MGMT: variants seen among roughly 807,000 people sequenced by gnomAD.
MGMT encodes O-6-methylguanine-DNA methyltransferase.
A neutral mutation model predicts 15.9 loss-of-function variants in MGMT; 14 were observed. The observed-to-expected ratio is 0.88, with a 90% CI of 0.58 to 1.37. MGMT has a LOEUF of 1.37. Ranked by LOEUF, MGMT falls within the 40% of genes most tolerant of loss-of-function variation. MGMT has a pLI of 0.00. For synonymous variants in MGMT, 130 were observed against 118.2 expected (o/e 1.10, Z -0.65); for missense variants, 282 against 268.1 (o/e 1.05, Z -0.36).
chr10:129,719,310 C>T (rs1848340326), intron 3 of MGMT, among the ~76,000 whole-genome samples: 1 of 152,252 alleles, frequency 6.6e-6, no homozygotes, highest in African/African-American at 2.4e-5. Flanking sequence ...GTGGGCCCTA[C>T]TCTTGTGTCA....
At chr10:129,728,200 AAAG>A (rs979899016) in intron 3 of MGMT, among the ~76,000 whole-genome samples, 20 of 152,180 alleles carry the variant, frequency 1.3e-4, no homozygotes, top group Admixed American at 2.6e-4. Context: ...ATGGCAGGGA[AAAG>A]AAGAAGAAGG....
intron 2 of MGMT, among the ~76,000 whole-genome samples, chr10:129,642,708 G>C (rs78430313): frequency 6.6e-6 from 1 of 152,108 alleles, no homozygotes. Context: ...ATGCTTCCAC[G>C]TTTTCTAAGC....
chr10:129,636,584 A>G (rs1308043535), intron 2 of MGMT, among the ~76,000 whole-genome samples: 1 of 152,198 alleles, frequency 6.6e-6, no homozygotes, highest in Admixed American at 6.5e-5. Context: ...AGTCGTGATA[A>G]TGGGCATTCT....
At chr10:129,569,216 A>G (rs149011657) in intron 2 of MGMT, among the ~76,000 whole-genome samples, 1 of 152,194 alleles carries the variant, frequency 6.6e-6, no homozygotes, top group East Asian at 1.9e-4. Flanking sequence ...AGATGTGACG[A>G]TAGACATAAA....
At chr10:129,749,080 C>T (rs1184877709) in intron 3 of MGMT, among the ~76,000 whole-genome samples, 2 of 152,186 alleles carry the variant, frequency 1.3e-5, no homozygotes, top group African/African-American at 4.8e-5. Context: ...CAGTCAGATT[C>T]TCTTGTCACA....
chr10:129,766,918 G>A lies in MGMT; in HGVS notation c.545G>A (p.Gly182Glu), dbSNP rs1848944428. ...CACCGGTTGGGGAAGCCAGGCTTGG[G>A]AGGGAGCTCAGGTCTGGCAGGGGCC... ...EGHRLGKPGL[G>E]GSSGLAGAWL... is the part of the protein sequence containing the mutation. The change falls in exon 5 of 5, where the codon GGA becomes GAA. Residue 182 changes from glycine to glutamate, a missense_variant. Transcript: ENST00000651593. 2.5e-6 allele frequency: 4 copies of A among 1,613,502 alleles called. No individual in the cohort carries two copies. The highest frequency in any genetic ancestry group is 1.7e-5 in the Admixed American group (1 of 60,030).
At chr10:129,750,935 A>G (rs1473571315) in intron 3 of MGMT, among the ~76,000 whole-genome samples, 1 of 151,946 alleles carries the variant, frequency 6.6e-6, no homozygotes, top group African/African-American at 2.4e-5. Flanking sequence ...TGTTCTTTTT[A>G]TATATTGCTG....
chr10:129,601,471 G>T (rs1362024994), intron 2 of MGMT, among the ~76,000 whole-genome samples: 1 of 152,206 alleles, frequency 6.6e-6, no homozygotes, highest in Non-Finnish European at 1.5e-5. Flanking sequence ...GCTCTTGGAA[G>T]GAGGGTGTCC....
intron 2 of MGMT, among the ~76,000 whole-genome samples, chr10:129,642,282 T>C (rs1002168229): frequency 6.6e-6 from 1 of 152,156 alleles, no homozygotes; most frequent in Non-Finnish European, 1.5e-5. Context: ...AATGTAAAAA[T>C]GGACAGTCCC....
At chr10:129,591,558 C>A (rs1036691233) in intron 2 of MGMT, among the ~76,000 whole-genome samples, 1 of 152,202 alleles carries the variant, frequency 6.6e-6, no homozygotes, top group African/African-American at 2.4e-5. Flanking sequence ...TAGATCCAGG[C>A]CAGGCCCCAG....
chr10:129,619,741 G>A (rs1048811808), intron 2 of MGMT, among the ~76,000 whole-genome samples: 1 of 152,092 alleles, frequency 6.6e-6, no homozygotes, highest in Non-Finnish European at 1.5e-5. Context: ...TGAGTTTATT[G>A]GCATTAATTG....
At chr10:129,753,605 G>T (rs1181578690) in intron 3 of MGMT, among the ~76,000 whole-genome samples, 2 of 152,006 alleles carry the variant, frequency 1.3e-5, no homozygotes, top group African/African-American at 2.4e-5. Context: ...ATCCTATGCA[G>T]TACAGTTTTT....
At chr10:129,574,134 T>C (rs1468108036) in intron 2 of MGMT, among the ~76,000 whole-genome samples, 1 of 152,248 alleles carries the variant, frequency 6.6e-6, no homozygotes, top group Non-Finnish European at 1.5e-5. Flanking sequence ...AGTTACTGTC[T>C]CCCTTTGGAG....
chr10:129,626,966 A>G (rs1382801606), intron 2 of MGMT, among the ~76,000 whole-genome samples: 2 of 152,162 alleles, frequency 1.3e-5, no homozygotes, highest in African/African-American at 4.8e-5. Flanking sequence ...CCAGAGATCA[A>G]GGAGAGTGAT....
At chr10:129,516,802 C>T (rs1002269770) in intron 1 of MGMT, among the ~76,000 whole-genome samples, 1 of 152,102 alleles carries the variant, frequency 6.6e-6, no homozygotes, top group Non-Finnish European at 1.5e-5. Context: ...TCATCTCCTT[C>T]CCTTTGGAAA....
At chr10:129,488,867 G>A (rs1024779991) in intron 1 of MGMT, among the ~76,000 whole-genome samples, 3 of 152,080 alleles carry the variant, frequency 2.0e-5, no homozygotes, top group African/African-American at 7.2e-5. Flanking sequence ...TGACAAACAT[G>A]TGACATGTGG....
chr10:129,730,217 A>C (rs1848480607), intron 3 of MGMT, among the ~76,000 whole-genome samples: 1 of 152,160 alleles, frequency 6.6e-6, no homozygotes, highest in South Asian at 2.1e-4. Context: ...TGGCGCATTG[A>C]GCATGAAATG....
intron 2 of MGMT, among the ~76,000 whole-genome samples, chr10:129,553,585 C>G (rs1438218130): frequency 1.3e-5 from 2 of 152,228 alleles, no homozygotes; most frequent in Non-Finnish European, 2.9e-5. Flanking sequence ...ATGGAGCTTT[C>G]TGTGTCTCGT....
At chr10:129,594,545 C>T (rs950829415) in intron 2 of MGMT, among the ~76,000 whole-genome samples, 1 of 152,186 alleles carries the variant, frequency 6.6e-6, no homozygotes, top group Non-Finnish European at 1.5e-5. Flanking sequence ...GCCTCGGTAC[C>T]TTTCAAAGGG....
Sources: gnomAD v4.1 joint callset for allele counts (sites outside exome capture counted in the v4.1 genomes callset) on GRCh38, gnomAD v4.1.1 for gene constraint, MANE v1.5 for transcripts, NCBI Gene and HGNC (gene_info 2026-07-23, HGNC 2026-07-21) for gene names.